SAMD4A: variants seen among roughly 807,000 people sequenced by gnomAD.
SAMD4A encodes sterile alpha motif domain containing 4A.
Under a neutral mutation model 81.3 loss-of-function variants are expected in SAMD4A, and 33 were observed. The observed-to-expected ratio is 0.41, with a 90% CI of 0.31 to 0.54. SAMD4A has a LOEUF of 0.54. SAMD4A is among the 20% of genes least tolerant of loss of function. The pLI is 0.37. For synonymous variants in SAMD4A, 389 were observed against 382.1 expected (o/e 1.02, Z -0.21); for missense variants, 854 against 951.1 (o/e 0.90, Z 1.34).
intron 11 of SAMD4A, among the ~76,000 whole-genome samples, chr14:54,780,252 A>T (rs531072877): frequency 2.6e-5 from 4 of 152,276 alleles, no homozygotes; most frequent in African/African-American, 9.6e-5. Context: ...GCTGGATGTG[A>T]GCTGGGTCCA....
intron 2 of SAMD4A, among the ~76,000 whole-genome samples, chr14:54,568,740 T>TAA (rs1391357438): frequency 9.2e-6 from 1 of 108,854 alleles, no homozygotes; most frequent in Non-Finnish European, 1.8e-5. Context: ...TATATATATA[T>TAA]AATGCGGTTA....
chr14:54,597,775 A>G (rs2033951384), intron 2 of SAMD4A, among the ~76,000 whole-genome samples: 1 of 151,756 alleles, frequency 6.6e-6, no homozygotes, highest in African/African-American at 2.4e-5. Flanking sequence ...TTTTTTTAAT[A>G]GAGACAGGAT....
At chr14:54,677,938 G>T (rs898666648) in intron 2 of SAMD4A, among the ~76,000 whole-genome samples, 15 of 152,016 alleles carry the variant, frequency 9.9e-5, no homozygotes, top group Non-Finnish European at 1.9e-4. Flanking sequence ...CATTCATTCT[G>T]TCTGTCTGTC....
intron 3 of SAMD4A, among the ~76,000 whole-genome samples, chr14:54,726,832 GAA>G (rs1041006143): frequency 7.9e-5 from 12 of 152,110 alleles, no homozygotes; most frequent in African/African-American, 2.9e-4. Context: ...CGGTCTAGGA[GAA>G]AACTGTGGTA....
Position 54,702,157 on chromosome 14 carries a change from A to G in SAMD4A, c.292A>G (p.Lys98Glu). Residue 98 changes from lysine (K) to glutamate (E), a missense_variant, in exon 3 of 13, where the codon AAA (lysine) becomes GAA (glutamate). Physicochemically the swap from Lys to Glu is moderately conservative, Grantham distance 56 (BLOSUM62 1). This residue lies in a region of SAMD4A where 387 missense variants were observed against 405.8 expected (regional missense o/e 0.95). Coordinates refer to ENST00000554335, the MANE Select transcript of SAMD4A (RefSeq NM_015589.6). The part of the protein sequence containing the change: ...PLLKPGNLDA[K>E]VEYMKLLPKI... ...GCTGAAGCCAGGAAACCTCGACGCG[A>G]AAGTAGAATATATGAAACTGCTGCC... 1 of 1,614,162 alleles carries G rather than the reference A, an allele frequency of 6.2e-7. No homozygotes were observed. The highest frequency in any genetic ancestry group is 8.5e-7 in the Non-Finnish European group (1 of 1,180,016).
At chr14:54,754,905 AT>A in intron 6 of SAMD4A, 1 of 964,266 alleles carries the variant, frequency 1.0e-6, no homozygotes, top group Non-Finnish European at 1.2e-6. Context: ...ACCGTGAGTC[AT>A]ACATGGTTCC....
rs536715058 is a variant in SAMD4A at position 54,667,669 on chromosome 14, C to G, written c.197-34393C>G. Among the ~76,000 whole-genome samples the G allele has an allele frequency of 3.9e-5, 6 of 152,310 alleles. No individual in the cohort carries two copies. In the East Asian group the frequency reaches 1.2e-3, roughly 29 times the overall value. Reference sequence around the variant, plus strand: ...CTTGTGGGGACGGCTCTGTGGAACCCTTCTCTCTCTTGCTGTCATGTGCAA... The same window carrying G: ...CTTGTGGGGACGGCTCTGTGGAACCGTTCTCTCTCTTGCTGTCATGTGCAA... On this transcript the variant is annotated intron_variant, in intron 2 of 12. Coordinates refer to ENST00000554335, the MANE Select transcript of SAMD4A (RefSeq NM_015589.6).
In SAMD4A at chr14:54,737,561, T is replaced by TTTTTG. The variant is rs34263162; in HGVS notation, c.979+274_979+275insTTTTG. 1.5e-4 allele frequency among the ~76,000 whole-genome samples: 18 copies of TTTTTG among 122,636 alleles called. 1 individual carries two copies. Among genetic ancestry groups the TTTTTG allele is most frequent in the Admixed American group, 1.0e-3 (11 of 10,628 alleles). 80.5% of individuals were successfully genotyped at this position (122,636 alleles called of 152,430 possible). On this transcript the variant is annotated intron_variant, in intron 4 of 12. Coordinates refer to ENST00000554335, the MANE Select transcript of SAMD4A (RefSeq NM_015589.6). ...CTCTCTCTTTTTTTTTTTTTTTTTT[T>TTTTTG]GCATTGCAGTGACTTGTAGACCATT...
At chr14:54,737,751 A>C (rs1566612390) in intron 4 of SAMD4A, among the ~76,000 whole-genome samples, 2 of 151,762 alleles carry the variant, frequency 1.3e-5, no homozygotes, top group African/African-American at 2.4e-5. Context: ...GCAGAATTGC[A>C]GTAGTGCTTC....
At chr14:54,744,483 G>C (rs2037919851) in intron 4 of SAMD4A, among the ~76,000 whole-genome samples, 2 of 152,180 alleles carry the variant, frequency 1.3e-5, no homozygotes, top group African/African-American at 2.4e-5. Flanking sequence ...CACTGGTAAA[G>C]ACCAGCAGGC....
intron 2 of SAMD4A, among the ~76,000 whole-genome samples, chr14:54,592,432 G>A (rs1337753982): frequency 6.6e-6 from 1 of 152,064 alleles, no homozygotes; most frequent in African/African-American, 2.4e-5. Flanking sequence ...TTACCGAAGT[G>A]AAACATTTGC....
intron 2 of SAMD4A, among the ~76,000 whole-genome samples, chr14:54,634,719 A>ATCTGTCTG (rs3049869): frequency 1.1e-4 from 15 of 142,522 alleles, no homozygotes; most frequent in South Asian, 2.3e-4. Context: ...CTATCTATCT[A>ATCTGTCTG]TCTGTCTGTC....
chr14:54,573,562 G>A (rs1252174021), intron 2 of SAMD4A, among the ~76,000 whole-genome samples: 2 of 152,134 alleles, frequency 1.3e-5, no homozygotes, highest in Non-Finnish European at 2.9e-5. Context: ...GCTAGGAAAG[G>A]TATGGTGCTC....
At chr14:54,746,868 C>G (rs556884864) in intron 4 of SAMD4A, among the ~76,000 whole-genome samples, 118 of 152,320 alleles carry the variant, frequency 7.7e-4, no homozygotes, top group African/African-American at 2.8e-3. Flanking sequence ...AAACGTGAAA[C>G]CTGGTGACAG....
chr14:54,613,132 G>C (rs2034402279), intron 2 of SAMD4A, among the ~76,000 whole-genome samples: 1 of 103,428 alleles, frequency 9.7e-6, no homozygotes, highest in Non-Finnish European at 2.0e-5. Flanking sequence ...AAAAGAGAGA[G>C]AGAGAAAGGA....
At chr14:54,626,182 A>G (rs183423736) in intron 2 of SAMD4A, among the ~76,000 whole-genome samples, 1 of 152,208 alleles carries the variant, frequency 6.6e-6, no homozygotes, top group African/African-American at 2.4e-5. Context: ...TTTAATTAAC[A>G]TCCTGTTTTA....
rs2039252934 is a variant in SAMD4A at position 54,791,152 on chromosome 14, GGGATGGACGATCACATGTAA to G, written c.*2211_*2230del. The G allele has an allele frequency of 6.6e-6, 1 of 152,172 alleles. No individual in the cohort carries two copies. The highest frequency in any genetic ancestry group is 2.4e-5 in the African/African-American group (1 of 41,434). 9.4% of individuals were successfully genotyped at this position (152,172 alleles called of 1,614,324 possible). Reference sequence around the variant, plus strand: ...CTTAGTGTTACTTGGGGAATGTGTTGGGATGGACGATCACATGTAAGGCAGGAAGAATAGGTCAAAGGTTG... The same window carrying G: ...CTTAGTGTTACTTGGGGAATGTGTTGGGCAGGAAGAATAGGTCAAAGGTTG... On this transcript the variant is annotated 3_prime_UTR_variant, in exon 13 of 13. Coordinates refer to ENST00000554335, the MANE Select transcript of SAMD4A (RefSeq NM_015589.6).
chr14:54,590,926 G>A (rs757941267), intron 2 of SAMD4A, among the ~76,000 whole-genome samples: 6 of 152,292 alleles, frequency 3.9e-5, no homozygotes, highest in Middle Eastern at 3.4e-3. Context: ...AGTTTTCTGA[G>A]AGCTGCATCA....
At chr14:54,565,541 G>T (rs975430606), upstream of SAMD4A, among the ~76,000 whole-genome samples, 1 of 152,210 alleles carries the variant, frequency 6.6e-6, no homozygotes. This position sits in a 1 kb window ranked among gnomAD's most constrained non-coding sequence, Gnocchi z 5.4. Context: ...CCTCAGCCTC[G>T]TGAACCCTTC....
Sources: allele counts gnomAD v4.1 joint callset (sites outside exome capture counted in the v4.1 genomes callset), GRCh38; gene constraint gnomAD v4.1.1; regional missense constraint gnomAD v4.1.1; non-coding constraint Gnocchi (gnomAD v3.1); transcripts MANE v1.5; gene names NCBI Gene and HGNC (gene_info 2026-07-23, HGNC 2026-07-21).